The following PAGE1 variants were observed in gnomAD, a reference collection of about 807,000 sequenced individuals.
PAGE1 encodes the protein PAGE family member 1.
In PAGE1, 6 loss-of-function variants were observed where a neutral mutation model predicts 11.5. The observed-to-expected ratio is 0.52, with a 90% CI of 0.29 to 1.03. PAGE1 has a LOEUF of 1.03. PAGE1 is among the 50% of genes least tolerant of loss of function. The probability of loss-of-function intolerance (pLI) is 0.09; values close to 1 mark genes in which losing one functional copy is unlikely to be tolerated. For synonymous variants in PAGE1, 42 were observed against 40.2 expected, an observed-to-expected ratio of 1.05 and a Z score of -0.17; for missense variants, 120 against 110.2, an observed-to-expected ratio of 1.09 and a Z score of -0.40.
At chrX:49,689,748 A>ATG (rs1557141745) in intron 4 of PAGE1, among the ~76,000 whole-genome samples, 3 of 61,873 alleles carry the variant, frequency 4.8e-5, no homozygotes, top group Non-Finnish European at 8.1e-5. Context: ...ATATATGTAT[A>ATG]TGTGTATATA....
Position 49,687,556 on chromosome X carries a change from C to T in PAGE1, c.426G>A (p.Gly142=), listed in dbSNP as rs2066888184. The change falls in exon 6 of 6, where the codon GGG becomes GGA. Residue 142 remains glycine, a synonymous_variant. Coordinates refer to ENST00000376150, the MANE Select transcript of PAGE1 (RefSeq NM_003785.4). ...EEVKTPEEDE[G]QSQP The stretch of plus-strand genomic sequence containing the variant: ...GTGTCTTCTTTTAAGGCTGTGATTG[C>T]CCTTCATCTGTAACAGAAACATAAC... 1.7e-6 allele frequency: 2 copies of T among 1,204,151 alleles called. No individual in the cohort carries two copies. The highest frequency in any genetic ancestry group is 2.2e-5 in the Admixed American group (1 of 45,261).
intron 4 of PAGE1, among the ~76,000 whole-genome samples, chrX:49,689,802 ATATGTG>A (rs1243541993): frequency 1.6e-5 from 1 of 63,798 alleles, no homozygotes; most frequent in Non-Finnish European, 2.6e-5. Context: ...ATATGTATAT[ATATGTG>A]TATATACACA....
chrX:49,689,314 C>T, intron 5 of PAGE1, 104 bp downstream of exon 5: 1 of 808,343 alleles, frequency 1.2e-6, no homozygotes, highest in Non-Finnish European at 1.6e-6. Context: ...GCACTCCAGC[C>T]TGGTTGACAG....
chrX:49,694,832 C>G, intron 1 of PAGE1, 54 bp from the exon 2 acceptor site: 4 of 625,948 alleles, frequency 6.4e-6, no homozygotes, highest in Non-Finnish European at 7.8e-6. Context: ...CAGCTATATT[C>G]GATCACTTCC....
intron 4 of PAGE1, 54 bp from the exon 5 acceptor site, chrX:49,689,597 T>TATATATATATACATATAC (rs2066899845): frequency 3.2e-5 from 2 of 62,862 alleles, no homozygotes; most frequent in African/African-American, 1.9e-4. Flanking sequence ...TATATATATA[T>TATATATATATACATATAC]ATATATATAT....
chrX:49,690,996 G>T (rs2066918217), intron 4 of PAGE1, among the ~76,000 whole-genome samples: 1 of 111,560 alleles, frequency 9.0e-6, no homozygotes, highest in South Asian at 3.8e-4. Flanking sequence ...TGTGCAACAT[G>T]ACAAAACCCC....
At chrX:49,695,381 G>A (rs1164861237) in intron 1 of PAGE1, among the ~76,000 whole-genome samples, 3 of 111,479 alleles carry the variant, frequency 2.7e-5, no homozygotes, top group African/African-American at 6.5e-5. Context: ...ACCTTGCCAC[G>A]CTTCTCACTC....
chrX:49,694,187 C>T lies in PAGE1; in HGVS notation c.78G>A (p.Glu26=). Residue 26 remains glutamate (E), a synonymous_variant, in exon 3 of 6, where the codon GAG becomes GAA. Coordinates refer to ENST00000376150, the MANE Select transcript of PAGE1 (RefSeq NM_003785.4). ...YVESSEESSD[E]QPDEVESPTQ... is the part of the protein sequence containing the mutation. ...TTGGTGATTCCACTTCGTCAGGTTGCTCATCACTGGACTCCTTGTGGTAGG... is the reference window on the plus strand; with the variant it reads ...TTGGTGATTCCACTTCGTCAGGTTGTTCATCACTGGACTCCTTGTGGTAGG... 1.7e-6 allele frequency: 2 copies of T among 1,167,927 alleles called. No individual in the cohort carries two copies. Among genetic ancestry groups the T allele is most frequent in the Non-Finnish European group, 2.3e-6 (2 of 865,993 alleles).
At chrX:49,690,155 A>ATATATGTGTATATAT (rs1569533495) in intron 4 of PAGE1, among the ~76,000 whole-genome samples, 2 of 94,278 alleles carry the variant, frequency 2.1e-5, no homozygotes, top group East Asian at 3.5e-4. Context: ...GTATATATAT[A>ATATATGTGTATATAT]ATCAATTTAA....
chrX:49,695,697 G>A (rs1327083161), intron 1 of PAGE1, among the ~76,000 whole-genome samples, 172 bp downstream of exon 1: 2 of 111,996 alleles, frequency 1.8e-5, no homozygotes, highest in African/African-American at 6.5e-5. Flanking sequence ...CGATGGCGGC[G>A]TCGCAGCCTG....
Position 49,692,130 on chromosome X carries a change from G to A in PAGE1, c.167-756C>T, listed in dbSNP as rs1454146218. ...CCACTGCACTCCAACCTGGGCAACA[G>A]AGTGAGACTCCGTCTGAAAAAAAAA... On this transcript the variant is annotated intron_variant, in intron 3 of 5. Transcript: ENST00000376150. 1.4e-4 allele frequency among the ~76,000 whole-genome samples: 15 copies of A among 109,340 alleles called. No homozygotes were observed. In the East Asian group the frequency reaches 3.7e-3, roughly 27 times the overall value. 94.9% of individuals were successfully genotyped at this position (109,340 alleles called of 115,157 possible).
chrX:49,694,588 C>T (rs1303257921), intron 2 of PAGE1, 120 bp downstream of exon 2: 1 of 414,021 alleles, frequency 2.4e-6, no homozygotes, highest in Non-Finnish European at 4.1e-6. Flanking sequence ...TTTTAATCAG[C>T]ATGAACTACC....
rs369503230 is a variant in PAGE1 at position 49,694,742 on chromosome X, C to T, written c.29G>A (p.Arg10Gln). ...TTCTACATAGATCATTGGTCTACGCCGATAGATTAATCTTCTTAGAAAACC... is the reference window on the plus strand; with the variant it reads ...TTCTACATAGATCATTGGTCTACGCTGATAGATTAATCTTCTTAGAAAACC... MGFLRRLIY[R>Q]RRPMIYVESS... The change falls in exon 2 of 6, where the codon CGG becomes CAG. Residue 10 changes from arginine (R) to glutamine (Q), a missense_variant. Coordinates refer to ENST00000376150, the MANE Select transcript of PAGE1 (RefSeq NM_003785.4). 17 of 1,195,043 alleles carry T rather than the reference C, an allele frequency of 1.4e-5. No homozygotes were observed. The highest frequency in any genetic ancestry group is 5.3e-5 in the African/African-American group (3 of 56,937).
At chrX:49,689,369 A>G in intron 5 of PAGE1, 49 bp downstream of exon 5, 1 of 988,437 alleles carries the variant, frequency 1.0e-6, no homozygotes, top group Non-Finnish European at 1.3e-6. Flanking sequence ...ATAATATGAT[A>G]CTGTGGAAAC....
At chrX:49,687,769 G>A (rs1402528992) in intron 5 of PAGE1, among the ~76,000 whole-genome samples, 1 of 112,544 alleles carries the variant, frequency 8.9e-6, no homozygotes, top group African/African-American at 3.2e-5. Flanking sequence ...AATTAATTCC[G>A]TAAACATCAG....
At position 49,689,836 on chromosome X, in the gene PAGE1, G is replaced by GTGTGTATATA. The variant is rs1349974888; in HGVS notation, c.293-303_293-294dup. 5.4e-5 allele frequency among the ~76,000 whole-genome samples: 3 copies of GTGTGTATATA among 55,302 alleles called. 1 individual carries two copies. The highest frequency in any genetic ancestry group is 3.1e-4 in the African/African-American group (3 of 9,550). 48.0% of individuals were successfully genotyped at this position (55,302 alleles called of 115,157 possible). Reference sequence around the variant, plus strand: ...TATACACACATATATGTGTATATATGTGTGTATATACACACATATATAGGT... The same window carrying GTGTGTATATA: ...TATACACACATATATGTGTATATATGTGTGTATATATGTGTATATACACACATATATAGGT... On this transcript the variant is annotated intron_variant, in intron 4 of 5. Coordinates refer to ENST00000376150, the MANE Select transcript of PAGE1 (RefSeq NM_003785.4).
At chrX:49,690,207 C>T (rs782445539) in intron 4 of PAGE1, among the ~76,000 whole-genome samples, 1 of 101,346 alleles carries the variant, frequency 9.9e-6, no homozygotes, top group African/African-American at 3.6e-5. Flanking sequence ...AATATTCATG[C>T]TCTCAGTGTT....
chrX:49,694,809 G>A (rs370602025), intron 1 of PAGE1, 31 bp from the exon 2 acceptor site: 2 of 827,687 alleles, frequency 2.4e-6, no homozygotes, highest in Non-Finnish European at 3.6e-6. Context: ...TTGGGAACAT[G>A]CACTTGAGAG....
At chrX:49,695,026 G>A (rs930749146) in intron 1 of PAGE1, among the ~76,000 whole-genome samples, 13 of 112,449 alleles carry the variant, frequency 1.2e-4, no homozygotes, top group African/African-American at 3.9e-4. Context: ...ATTTCTTTTA[G>A]ACACAGAATC....
Sources: gnomAD v4.1 joint callset for allele counts (sites outside exome capture counted in the v4.1 genomes callset) on GRCh38, gnomAD v4.1.1 for gene constraint, MANE v1.5 for transcripts, NCBI Gene and HGNC (gene_info 2026-07-23, HGNC 2026-07-21) for gene names.